The following LIPI variants were observed in gnomAD, a reference collection of about 807,000 sequenced individuals.
LIPI encodes lipase I, also known as lipase member I.
Under a neutral mutation model 50.6 loss-of-function variants are expected in LIPI, and 59 were observed. That is an observed-to-expected ratio of 1.16 (90% CI 0.94 to 1.45). LIPI has a LOEUF of 1.45. LIPI is among the 40% of genes most tolerant of loss of function. The pLI is 0.00. For synonymous variants in LIPI, 203 were observed against 178.2 expected (o/e 1.14, Z -1.11); for missense variants, 586 against 536.3 (o/e 1.09, Z -0.92).
intron 4 of LIPI, among the ~76,000 whole-genome samples, chr21:14,177,699 C>T (rs903625826): frequency 3.9e-5 from 6 of 152,180 alleles, no homozygotes; most frequent in African/African-American, 7.2e-5. Flanking sequence ...ATTCATTTAT[C>T]ACCCAAAATC....
intron 7 of LIPI, among the ~76,000 whole-genome samples, chr21:14,159,404 G>A (rs938188309): frequency 6.0e-5 from 9 of 151,260 alleles, no homozygotes. Flanking sequence ...AAAATTATAT[G>A]ATCATATCAA....
chr21:14,110,343 TTTA>T (rs2016353525), intron 9 of LIPI, among the ~76,000 whole-genome samples: 1 of 132,104 alleles, frequency 7.6e-6, no homozygotes, highest in South Asian at 2.4e-4. Flanking sequence ...ACTTCATTTT[TTTA>T]TTTATTTGTT....
chr21:14,188,138 T>C (rs2019520619), intron 2 of LIPI, among the ~76,000 whole-genome samples: 1 of 152,212 alleles, frequency 6.6e-6, no homozygotes, highest in Non-Finnish European at 1.5e-5. Flanking sequence ...AGGATAGACA[T>C]GGATCTCCCT....
intron 9 of LIPI, among the ~76,000 whole-genome samples, chr21:14,118,736 G>A (rs894700359): frequency 1.3e-5 from 2 of 152,168 alleles, no homozygotes; most frequent in Admixed American, 1.3e-4. Context: ...CAGTCCCCCG[G>A]GGCTGGTAGT....
rs2020343534 is a variant in LIPI, at chr21:14,210,799, C to G, written c.46+1G>C. 1.7e-6 allele frequency: 2 copies of G among 1,181,362 alleles called. No individual in the cohort carries two copies. Among genetic ancestry groups the G allele is most frequent in the Admixed American group, 2.9e-5 (1 of 33,976 alleles). The allele number at this position is 1,181,362 out of a possible 1,614,324, so 73.2% of individuals were successfully genotyped here. A position where few individuals can be genotyped will look rare whatever the true frequency, so the allele number is the denominator to read the frequency against. ...AATCAAATTATTAATTAATATCTTACCAGATCTCACCCAGCACATCAAACA... is the reference window on the plus strand; with the variant it reads ...AATCAAATTATTAATTAATATCTTAGCAGATCTCACCCAGCACATCAAACA... On this transcript the variant is annotated splice_donor_variant, in intron 1 of 9. Transcript: ENST00000681601. LOFTEE classifies it high-confidence loss of function.
intron 1 of LIPI, among the ~76,000 whole-genome samples, chr21:14,191,300 C>T (rs2019665056): frequency 6.7e-6 from 1 of 149,356 alleles, no homozygotes; most frequent in African/African-American, 2.5e-5. Context: ...TGGCGGGAAC[C>T]CGGGAGGCGG....
chr21:14,123,192 T>C (rs531962345), intron 9 of LIPI, among the ~76,000 whole-genome samples: 3 of 152,294 alleles, frequency 2.0e-5, no homozygotes, highest in African/African-American at 7.2e-5. Context: ...CATAGCATGA[T>C]AGGAAAAGAC....
At chr21:14,196,493 T>C (rs1247823828) in intron 1 of LIPI, among the ~76,000 whole-genome samples, 2 of 152,114 alleles carry the variant, frequency 1.3e-5, no homozygotes, top group Non-Finnish European at 2.9e-5. Context: ...TTATGGTTGT[T>C]ATATAAGTGC....
chr21:14,142,019 A>T (rs76205681), intron 9 of LIPI, among the ~76,000 whole-genome samples: 5,871 of 152,266 alleles, frequency 0.039, 354 homozygotes, highest in African/African-American at 0.13. Context: ...TTTAGAAGGT[A>T]TTAATAAGGC....
intron 1 of LIPI, among the ~76,000 whole-genome samples, chr21:14,194,315 GA>G (rs2019773004): frequency 6.6e-6 from 1 of 152,050 alleles, no homozygotes; most frequent in African/African-American, 2.4e-5. Flanking sequence ...ACACCCAAAA[GA>G]ATTGAAAACA....
At chr21:14,157,137 T>C (rs1429376714) in intron 7 of LIPI, among the ~76,000 whole-genome samples, 1 of 151,866 alleles carries the variant, frequency 6.6e-6, no homozygotes, top group African/African-American at 2.4e-5. Context: ...GTGCTCATCA[T>C]GAATTGTGTG....
chr21:14,135,787 A>T lies in LIPI; in HGVS notation c.1295+8836T>A, dbSNP rs191295924. Among the ~76,000 whole-genome samples the T allele has an allele frequency of 6.3e-3, 952 of 152,172 alleles. 14 individuals are homozygous for T. Among genetic ancestry groups the T allele is most frequent in the African/African-American group, 0.022 (921 of 41,510 alleles). On this transcript the variant is annotated intron_variant, in intron 9 of 9. Coordinates refer to ENST00000681601, the MANE Select transcript of LIPI (RefSeq NM_001302998.2). Reference sequence around the variant, plus strand: ...GGGCTGAACTAGGCCCAGAGGCAATAGATTGAGGGGCCATGTCACATACTG... The same window carrying T: ...GGGCTGAACTAGGCCCAGAGGCAATTGATTGAGGGGCCATGTCACATACTG...
At position 14,159,821 on chromosome 21, in the gene LIPI, C is replaced by G. The variant is rs765925476; in HGVS notation, c.1006+3598G>C. Among the ~76,000 whole-genome samples the G allele has an allele frequency of 7.9e-5, 12 of 151,322 alleles. No homozygotes were observed. In the South Asian group the frequency reaches 1.2e-3, roughly 16 times the overall value. On this transcript the variant is annotated intron_variant, in intron 7 of 9. Coordinates refer to ENST00000681601, the MANE Select transcript of LIPI (RefSeq NM_001302998.2). ...GGAAACAAATTCAACACAAAAGATGCGATCTCATTACTATATACCAACATT... is the reference window on the plus strand; with the variant it reads ...GGAAACAAATTCAACACAAAAGATGGGATCTCATTACTATATACCAACATT...
chr21:14,158,677 CA>C (rs1344849051), intron 7 of LIPI, among the ~76,000 whole-genome samples: 3 of 148,282 alleles, frequency 2.0e-5, no homozygotes, highest in African/African-American at 7.4e-5. Flanking sequence ...AATTTAATAA[CA>C]GAACATGATA....
At chr21:14,131,442 G>A (rs987904722) in intron 9 of LIPI, among the ~76,000 whole-genome samples, 3 of 152,162 alleles carry the variant, frequency 2.0e-5, no homozygotes, top group Non-Finnish European at 2.9e-5. Context: ...GGAAATCACA[G>A]TTAATACAGA....
intron 1 of LIPI, among the ~76,000 whole-genome samples, chr21:14,189,830 A>T (rs1307099979): frequency 1.3e-5 from 2 of 152,104 alleles, no homozygotes; most frequent in African/African-American, 4.8e-5. Flanking sequence ...TTGTCTAGTC[A>T]TCAATACAAA....
intron 4 of LIPI, among the ~76,000 whole-genome samples, chr21:14,169,152 A>G (rs1248207592): frequency 1.3e-5 from 2 of 152,212 alleles, no homozygotes; most frequent in African/African-American, 4.8e-5. Flanking sequence ...CAATTCAACA[A>G]GAAGAGCTAA....
chr21:14,198,316 C>T (rs2019931952), intron 1 of LIPI, among the ~76,000 whole-genome samples: 1 of 152,056 alleles, frequency 6.6e-6, no homozygotes, highest in Non-Finnish European at 1.5e-5. Flanking sequence ...TTGAAAGACA[C>T]AGAGTGGCAA....
intron 4 of LIPI, among the ~76,000 whole-genome samples, chr21:14,181,359 C>G (rs1224272474): frequency 6.6e-6 from 1 of 152,060 alleles, no homozygotes; most frequent in Non-Finnish European, 1.5e-5. Flanking sequence ...ATGCTGTGTT[C>G]AGTTCTAGTC....
Sources: gnomAD v4.1 joint callset for allele counts (sites outside exome capture counted in the v4.1 genomes callset) on GRCh38, gnomAD v4.1.1 for gene constraint, MANE v1.5 for transcripts, NCBI Gene and HGNC (gene_info 2026-07-23, HGNC 2026-07-21) for gene names.